Variants in KCNMA1 observed in about 807,000 individuals in gnomAD.
The protein encoded by KCNMA1 is Calcium-activated potassium channel subunit alpha-1.
A neutral mutation model predicts 140.0 loss-of-function variants in KCNMA1; 29 were observed. The observed-to-expected ratio is 0.21, with a 90% confidence interval of 0.15 to 0.28. KCNMA1 has a LOEUF of 0.28. Ranked by LOEUF, KCNMA1 falls within the 10% of genes least tolerant of loss-of-function variation. The pLI is 1.00. For synonymous variants in KCNMA1, 612 were observed against 611.9 expected, an observed-to-expected ratio of 1.00 and a Z score of 0.00; for missense variants, 880 against 1,602.2, an observed-to-expected ratio of 0.55 and a Z score of 7.70.
chr10:77,409,827 T>C (rs2096578764), intron 1 of KCNMA1, among the ~76,000 whole-genome samples: 1 of 152,134 alleles, frequency 6.6e-6, no homozygotes, highest in Non-Finnish European at 1.5e-5. Context: ...AATCAAAAGA[T>C]ACTCTGGACC....
intron 1 of KCNMA1, among the ~76,000 whole-genome samples, chr10:77,552,426 T>C (rs2063080260): frequency 1.3e-5 from 2 of 152,160 alleles, no homozygotes; most frequent in Admixed American, 6.5e-5. Context: ...TTCAGGGATG[T>C]AGGGAAGACT....
At position 77,084,630 on chromosome 10, in the gene KCNMA1, G is replaced by A. The variant is rs2096653390; in HGVS notation, c.1523+7C>T. The A allele has an allele frequency of 6.2e-7, 1 of 1,613,020 alleles. No homozygotes were observed. Among genetic ancestry groups the A allele is most frequent in the Non-Finnish European group, 8.5e-7 (1 of 1,178,954 alleles). ...CCCAGGGCCTTCCGCAGCGCCCCAA[G>A]AGTTACCTCATGATATTCGAGGCAT... On this transcript the variant is annotated splice_region_variant and intron_variant, in intron 12 of 27. Transcript: ENST00000286628.
chr10:77,069,799 A>G (rs1330861337), intron 14 of KCNMA1, among the ~76,000 whole-genome samples: 3 of 152,058 alleles, frequency 2.0e-5, no homozygotes, highest in African/African-American at 4.8e-5. Flanking sequence ...CCTGTATGCC[A>G]GTAGTCCCTC....
chr10:76,943,263 A>G (rs1434086967), intron 23 of KCNMA1, among the ~76,000 whole-genome samples: 1 of 152,164 alleles, frequency 6.6e-6, no homozygotes, highest in Admixed American at 6.5e-5. Context: ...AGGCCTTCAC[A>G]TGTTGTGCTG....
At chr10:77,364,253 C>A (rs1254127157) in intron 2 of KCNMA1, among the ~76,000 whole-genome samples, 1 of 152,120 alleles carries the variant, frequency 6.6e-6, no homozygotes, top group Non-Finnish European at 1.5e-5. Context: ...GAGTTCAAGA[C>A]CAGCCTGGCC....
chr10:77,253,705 G>A (rs1282154455), intron 2 of KCNMA1, among the ~76,000 whole-genome samples: 1 of 152,226 alleles, frequency 6.6e-6, no homozygotes, highest in African/African-American at 2.4e-5. Context: ...GAATGGACAT[G>A]CATTTGGGTC....
chr10:77,566,407 A>C (rs1567587120), intron 1 of KCNMA1, among the ~76,000 whole-genome samples: 1 of 152,194 alleles, frequency 6.6e-6, no homozygotes, highest in East Asian at 1.9e-4. Context: ...GTTTCCAATT[A>C]CTGCTGGCAT....
chr10:76,953,891 C>A lies in KCNMA1; in HGVS notation c.2394G>T (p.Gln798His). The change falls in exon 21 of 28, where the codon CAG becomes CAT. Residue 798 changes from glutamine (Q) to histidine (H), a missense_variant. By Grantham distance (24) the Gln-to-His change is conservative. Coordinates refer to ENST00000286628, the MANE Select transcript of KCNMA1 (RefSeq NM_001161352.2). ...TCACATTGGAGTCCATGTTGTCAAT[C>A]TGATCATTGCCAGGAATTAACAAGG... is the stretch of plus-strand genomic sequence containing the variant. ...HDPLLIPGND[Q>H]IDNMDSNVKK... is the part of the protein sequence containing the mutation. 6.2e-7 allele frequency: 1 copy of A among 1,614,048 alleles called. No individual in the cohort carries two copies. The highest frequency in any genetic ancestry group is 2.2e-5 in the East Asian group (1 of 44,870).
chr10:77,079,323 A>T (rs1304719383), intron 13 of KCNMA1, among the ~76,000 whole-genome samples, 158 bp downstream of exon 13: 3 of 150,874 alleles, frequency 2.0e-5, no homozygotes, highest in Non-Finnish European at 4.4e-5. Context: ...TAACAATCAC[A>T]CCTCTTTACC....
chr10:77,593,627 G>C (rs1185801446), intron 1 of KCNMA1, among the ~76,000 whole-genome samples: 1 of 152,198 alleles, frequency 6.6e-6, no homozygotes, highest in African/African-American at 2.4e-5. Flanking sequence ...TAAGAACCCA[G>C]TGAAAGTGGT....
intron 8 of KCNMA1, among the ~76,000 whole-genome samples, chr10:77,109,883 G>A (rs1201581008): frequency 6.6e-6 from 1 of 152,170 alleles, no homozygotes; most frequent in Non-Finnish European, 1.5e-5. Flanking sequence ...CTAAGGGGTA[G>A]ACACTCTCCC....
At chr10:77,499,060 C>G (rs2042894765) in intron 1 of KCNMA1, 6 of 152,192 alleles carry the variant, frequency 3.9e-5, no homozygotes, top group Admixed American at 3.9e-4. Flanking sequence ...TAGCACAGTG[C>G]ACAGAGGACA....
intron 1 of KCNMA1, among the ~76,000 whole-genome samples, chr10:77,515,176 C>T (rs967259491): frequency 2.6e-5 from 4 of 152,070 alleles, no homozygotes; most frequent in South Asian, 2.1e-4. Context: ...CAGCCTGTTA[C>T]GGTGAGTGAG....
At chr10:77,603,777 C>G (rs2083465552) in intron 1 of KCNMA1, among the ~76,000 whole-genome samples, 1 of 152,188 alleles carries the variant, frequency 6.6e-6, no homozygotes, top group South Asian at 2.1e-4. Flanking sequence ...TCTCTCAGAT[C>G]AAGAACAGCC....
At chr10:76,888,382 G>A (rs2038240392) in intron 27 of KCNMA1, 2 of 152,080 alleles carry the variant, frequency 1.3e-5, no homozygotes, top group Admixed American at 6.6e-5. Flanking sequence ...TATATAAAAT[G>A]TTTACATAAT....
intron 1 of KCNMA1, among the ~76,000 whole-genome samples, chr10:77,553,148 T>G (rs965695897): frequency 6.6e-6 from 1 of 152,236 alleles, no homozygotes; most frequent in Non-Finnish European, 1.5e-5. Flanking sequence ...CATTAACATT[T>G]TAGTGATGAA....
intron 2 of KCNMA1, among the ~76,000 whole-genome samples, chr10:77,280,226 G>A (rs1448931412): frequency 6.6e-6 from 1 of 152,208 alleles, no homozygotes; most frequent in Non-Finnish European, 1.5e-5. Flanking sequence ...CAATGCAGGG[G>A]AAAATGAAGT....
intron 1 of KCNMA1, among the ~76,000 whole-genome samples, chr10:77,545,290 T>A (rs2061178401): frequency 6.6e-6 from 1 of 152,238 alleles, no homozygotes. Flanking sequence ...CATTTTTCAA[T>A]TTATCTTCCT....
Position 76,886,876 on chromosome 10 carries a change from C to A in KCNMA1, c.*390G>T. On this transcript the variant is annotated 3_prime_UTR_variant, in exon 28 of 28. Transcript: ENST00000286628. The stretch of plus-strand genomic sequence containing the variant: ...ACAACAAAATCAAAACCCAAAGCAC[C>A]CTGATAATCCTGATAAATCAGAATC... The A allele has an allele frequency of 2.8e-6, 3 of 1,087,250 alleles. No individual in the cohort carries two copies. The highest frequency in any genetic ancestry group is 3.4e-6 in the Non-Finnish European group (3 of 890,718). 67.4% of individuals were successfully genotyped at this position (1,087,250 alleles called of 1,614,324 possible). A position where few individuals can be genotyped will look rare whatever the true frequency, so the allele number is the denominator to read the frequency against.
Sources: gnomAD v4.1 joint callset for allele counts (sites outside exome capture counted in the v4.1 genomes callset) on GRCh38, gnomAD v4.1.1 for gene constraint, MANE v1.5 for transcripts, NCBI Gene and HGNC (gene_info 2026-07-23, HGNC 2026-07-21) for gene names.